MAD1L1: variants seen among roughly 807,000 people sequenced by gnomAD.
MAD1L1 encodes the protein mitotic arrest deficient 1 like 1.
A neutral mutation model predicts 96.9 loss-of-function variants in MAD1L1; 95 were observed. The ratio of observed to expected loss-of-function variants is 0.98; its 90% confidence interval spans 0.83 to 1.16. The LOEUF (loss-of-function observed/expected upper bound fraction) is 1.16. Ranked by LOEUF, MAD1L1 falls within the 50% of genes most tolerant of loss-of-function variation. The pLI, the probability that MAD1L1 is intolerant of heterozygous loss-of-function variation, is 0.00. For synonymous variants in MAD1L1, 473 were observed against 396.6 expected, an observed-to-expected ratio of 1.19 and a Z score of -2.29; for missense variants, 1,007 against 954.4, an observed-to-expected ratio of 1.06 and a Z score of -0.73.
intron 11 of MAD1L1, among the ~76,000 whole-genome samples, chr7:2,090,819 C>T (rs1786173236): frequency 6.6e-6 from 1 of 152,222 alleles, no homozygotes; most frequent in African/African-American, 2.4e-5. Flanking sequence ...CAGGCCCCTC[C>T]AGGCAGGCAA....
chr7:2,112,489 C>A (rs1257910587), intron 11 of MAD1L1, among the ~76,000 whole-genome samples: 1 of 152,260 alleles, frequency 6.6e-6, no homozygotes, highest in Non-Finnish European at 1.5e-5. Flanking sequence ...TCCACAGACA[C>A]TGCACCCTCG....
At chr7:2,221,280 G>A (rs1052245334) in intron 5 of MAD1L1, among the ~76,000 whole-genome samples, 4 of 152,062 alleles carry the variant, frequency 2.6e-5, no homozygotes, top group African/African-American at 7.2e-5. Flanking sequence ...GACAGCCCCC[G>A]GCCCAACTCC....
intron 10 of MAD1L1, among the ~76,000 whole-genome samples, chr7:2,205,246 G>C (rs1475928014): frequency 2.0e-5 from 3 of 152,078 alleles, no homozygotes; most frequent in African/African-American, 7.2e-5. Context: ...CTTTGCTAAA[G>C]AACAGGCACG....
intron 13 of MAD1L1, among the ~76,000 whole-genome samples, chr7:2,013,462 C>T (rs1365540981): frequency 6.6e-6 from 1 of 152,252 alleles, no homozygotes; most frequent in South Asian, 2.1e-4. Context: ...CGGTGTCACA[C>T]ACCAGCTCGG....
intron 12 of MAD1L1, among the ~76,000 whole-genome samples, chr7:2,049,797 G>A (rs1022104880): frequency 1.3e-5 from 2 of 152,042 alleles, no homozygotes; most frequent in Non-Finnish European, 2.9e-5. Context: ...AGGTTCACAG[G>A]GCACCTCATC....
chr7:2,229,755 C>T (rs894962673), intron 3 of MAD1L1, among the ~76,000 whole-genome samples: 31 of 152,280 alleles, frequency 2.0e-4, no homozygotes, highest in African/African-American at 7.5e-4. Flanking sequence ...GCCAGGCCCA[C>T]TCAGGGCGCT....
At chr7:1,870,473 A>G (rs1391980985) in intron 18 of MAD1L1, among the ~76,000 whole-genome samples, 2 of 134,626 alleles carry the variant, frequency 1.5e-5, no homozygotes, top group Non-Finnish European at 3.2e-5. Flanking sequence ...AACCCAACAT[A>G]TGCCTGCCAC....
intron 16 of MAD1L1, among the ~76,000 whole-genome samples, chr7:1,950,273 T>G (rs1308077249): frequency 6.6e-6 from 1 of 152,046 alleles, no homozygotes; most frequent in Non-Finnish European, 1.5e-5. Flanking sequence ...GGTCACCATG[T>G]GATAGGGAAG....
intron 18 of MAD1L1, among the ~76,000 whole-genome samples, chr7:1,893,945 G>A (rs1786710935): frequency 6.6e-6 from 1 of 152,220 alleles, no homozygotes; most frequent in South Asian, 2.1e-4. Flanking sequence ...GGCCCTACAG[G>A]TTGGCTGTTG....
At chr7:2,172,480 C>T (rs1790752625) in intron 10 of MAD1L1, among the ~76,000 whole-genome samples, 1 of 152,212 alleles carries the variant, frequency 6.6e-6, no homozygotes, top group African/African-American at 2.4e-5. Flanking sequence ...ACATCCACGC[C>T]TCCTCAGGAC....
At chr7:1,864,795 C>T (rs111329772) in intron 18 of MAD1L1, among the ~76,000 whole-genome samples, 4,060 of 152,262 alleles carry the variant, frequency 0.027, 159 homozygotes, top group African/African-American at 0.092. Flanking sequence ...GTGCCCCCCG[C>T]CCCCACTCCG....
At position 2,206,961 on chromosome 7, in the gene MAD1L1, G is replaced by A. The variant is rs572855036; in HGVS notation, c.986+6251C>T. Among the ~76,000 whole-genome samples, 16 of 151,870 alleles carry A rather than the reference G, an allele frequency of 1.1e-4. 1 individual carries two copies. In the South Asian group the frequency reaches 3.3e-3, roughly 32 times the overall value. ...CCAAGCATGGTGGTCCATGCCTGTA[G>A]TCCCAGCTACTGGGGAGGCTGAGGC... On this transcript the variant is annotated intron_variant, in intron 10 of 18. Coordinates refer to ENST00000265854, the MANE Select transcript of MAD1L1 (RefSeq NM_001013836.2).
At chr7:2,031,854 C>T (rs987457612) in intron 12 of MAD1L1, among the ~76,000 whole-genome samples, 1 of 152,232 alleles carries the variant, frequency 6.6e-6, no homozygotes. Context: ...AGCAGGGCAA[C>T]GTGGGAAACA....
At chr7:2,104,569 C>G (rs1037997430) in intron 11 of MAD1L1, among the ~76,000 whole-genome samples, 1 of 152,250 alleles carries the variant, frequency 6.6e-6, no homozygotes, top group Non-Finnish European at 1.5e-5. Context: ...AACTACAGAT[C>G]TTCCACGAAA....
chr7:2,018,110 A>T (rs1360308421), intron 12 of MAD1L1, among the ~76,000 whole-genome samples: 2 of 152,178 alleles, frequency 1.3e-5, no homozygotes, highest in Non-Finnish European at 2.9e-5. Context: ...GTGGCCCCCA[A>T]GCAGCGGTCA....
At chr7:2,042,018 C>A (rs145613401) in intron 12 of MAD1L1, among the ~76,000 whole-genome samples, 50 of 152,280 alleles carry the variant, frequency 3.3e-4, no homozygotes, top group Non-Finnish European at 6.2e-4. Flanking sequence ...CCAAGAAAGA[C>A]TTAGACACAC....
chr7:2,176,968 A>AC (rs1156363731), intron 10 of MAD1L1, among the ~76,000 whole-genome samples: 2 of 152,234 alleles, frequency 1.3e-5, no homozygotes, highest in Admixed American at 1.3e-4. Context: ...ATCAGAAGAG[A>AC]CACCCAGCCT....
At chr7:1,967,806 CG>C (rs1445099271) in intron 15 of MAD1L1, among the ~76,000 whole-genome samples, 3 of 152,200 alleles carry the variant, frequency 2.0e-5, no homozygotes, top group African/African-American at 7.2e-5. Flanking sequence ...CTGCATGCAC[CG>C]GATCAGAACA....
intron 18 of MAD1L1, among the ~76,000 whole-genome samples, chr7:1,820,959 T>C (rs892671872): frequency 1.3e-5 from 2 of 151,494 alleles, no homozygotes; most frequent in African/African-American, 4.9e-5. Flanking sequence ...CGGGTGCCTG[T>C]AGTCCCAGCT....
Sources: gnomAD v4.1 joint callset for allele counts (sites outside exome capture counted in the v4.1 genomes callset) on GRCh38, gnomAD v4.1.1 for gene constraint, MANE v1.5 for transcripts, NCBI Gene and HGNC (gene_info 2026-07-23, HGNC 2026-07-21) for gene names.